The following HEATR4 variants were observed in gnomAD, a reference collection of about 807,000 sequenced individuals.
HEATR4 encodes the protein HEAT repeat containing 4, also known as HEAT repeat-containing protein 4.
In HEATR4, 95 loss-of-function variants were observed where a neutral mutation model predicts 108.8. That is an observed-to-expected ratio of 0.87 (90% confidence interval 0.74 to 1.04). The LOEUF (loss-of-function observed/expected upper bound fraction) is 1.04, where lower values mean the gene tolerates loss of function less well. Ranked by LOEUF, HEATR4 falls within the 50% of genes least tolerant of loss-of-function variation. The pLI is 0.00. For missense variants in HEATR4, 1,152 were observed against 1,253.8 expected (o/e 0.92, Z 1.23); for synonymous variants, 443 against 459.4 (o/e 0.96, Z 0.46).
At chr14:73,490,929 T>A (rs1167737292) in intron 17 of HEATR4, 3 of 1,262,992 alleles carry the variant, frequency 2.4e-6, no homozygotes, top group Non-Finnish European at 3.0e-6. Context: ...CGCGCCCCCT[T>A]CCCAGAGTGC....
At chr14:73,595,848 G>C in the HEATR4 span, 1 of 540,848 alleles carries the variant, frequency 1.8e-6, no homozygotes, top group Admixed American at 3.8e-5. Context: ...AAGATTAAGA[G>C]GCATATGACA....
the HEATR4 span, among the ~76,000 whole-genome samples, chr14:73,570,988 TTTA>T: frequency 2.1e-5 from 3 of 146,286 alleles, no homozygotes; most frequent in African/African-American, 7.3e-5. Context: ...TTTTTTTTTT[TTTA>T]AATAAGAATT....
chr14:73,610,167 G>T, the HEATR4 span, among the ~76,000 whole-genome samples: 1 of 151,954 alleles, frequency 6.6e-6, no homozygotes, highest in African/African-American at 2.4e-5. Flanking sequence ...GGACTTGGGG[G>T]TAGGCCACAG....
At chr14:73,526,638 T>G (rs1330050076) in intron 2 of HEATR4, among the ~76,000 whole-genome samples, 1 of 152,194 alleles carries the variant, frequency 6.6e-6, no homozygotes, top group Non-Finnish European at 1.5e-5. Flanking sequence ...ATCCTGAGGC[T>G]CCTGATTCCA....
upstream of HEATR4, among the ~76,000 whole-genome samples, chr14:73,563,032 C>T (rs543899440): frequency 8.6e-5 from 13 of 152,012 alleles, no homozygotes; most frequent in East Asian, 1.9e-4. Flanking sequence ...TTGAAGCATA[C>T]GATCTTTGTA....
chr14:73,566,687 C>T, the HEATR4 span, among the ~76,000 whole-genome samples: 36 of 152,164 alleles, frequency 2.4e-4, 1 homozygote, highest in Non-Finnish European at 3.8e-4. Flanking sequence ...AAGTGCGGAA[C>T]GCAGCCTCAG....
At chr14:73,515,169 A>G (rs952233737) in intron 5 of HEATR4, among the ~76,000 whole-genome samples, 1 of 152,078 alleles carries the variant, frequency 6.6e-6, no homozygotes, top group Admixed American at 6.6e-5. Flanking sequence ...AAAAAGCTCT[A>G]TGGAGAAGGG....
chr14:73,611,996 C>A, the HEATR4 span, among the ~76,000 whole-genome samples: 1 of 151,924 alleles, frequency 6.6e-6, no homozygotes, highest in African/African-American at 2.4e-5. Flanking sequence ...GTTTTTGTGC[C>A]TCTATTTCGA....
intron 1 of HEATR4, among the ~76,000 whole-genome samples, chr14:73,538,319 A>G (rs1888945827): frequency 8.7e-6 from 1 of 114,502 alleles, no homozygotes. Flanking sequence ...GCTCAGTTAA[A>G]AGACATTGTA....
At position 73,538,342 on chromosome 14, in the gene HEATR4, G is replaced by A. The variant is rs1179853301; in HGVS notation, c.-151-8098C>T. Among the ~76,000 whole-genome samples the A allele has an allele frequency of 1.8e-5, 2 of 114,274 alleles. 1 individual carries two copies. Among genetic ancestry groups the A allele is most frequent in the Non-Finnish European group, 3.8e-5 (2 of 52,568 alleles). The allele number at this position is 114,274 out of a possible 152,430, so 75.0% of individuals were successfully genotyped here. On this transcript the variant is annotated intron_variant, in intron 1 of 17. Coordinates refer to ENST00000553558, the MANE Select transcript of HEATR4 (RefSeq NM_001220484.1). The stretch of plus-strand genomic sequence containing the variant: ...AAAAGACATTGTAAGGGCTGGGCGC[G>A]CTGGCTCACGCCTGTAATCCCAGCA...
Position 73,514,005 on chromosome 14 carries a change from G to T in HEATR4, c.1414+26C>A, listed in dbSNP as rs1319688017. The T allele has an allele frequency of 3.1e-6, 5 of 1,607,428 alleles. No individual in the cohort carries two copies. The highest frequency in any genetic ancestry group is 3.4e-6 in the Non-Finnish European group (4 of 1,174,058). On this transcript the variant is annotated intron_variant, in intron 6 of 17. Coordinates refer to ENST00000553558, the MANE Select transcript of HEATR4 (RefSeq NM_001220484.1). ...GAGAACCACTTCTCACAAACGTACAGTATCACAGGACCTCCCTTCACTCAC... is the reference window on the plus strand; with the variant it reads ...GAGAACCACTTCTCACAAACGTACATTATCACAGGACCTCCCTTCACTCAC...
Position 73,514,024 on chromosome 14 carries a change from C to A in HEATR4, c.1414+7G>T, listed in dbSNP as rs553324807. ...CGTACAGTATCACAGGACCTCCCTT[C>A]ACTCACTCAGAGCCCAGGCAGTCTT... On this transcript the variant is annotated splice_region_variant and intron_variant, in intron 6 of 17. Coordinates refer to ENST00000553558, the MANE Select transcript of HEATR4 (RefSeq NM_001220484.1). The A allele has an allele frequency of 8.1e-6, 13 of 1,613,846 alleles. No homozygotes were observed. The South Asian group carries it at 1.4e-4, about 18-fold the overall frequency.
At chr14:73,510,798 A>G (rs1007070753) in intron 7 of HEATR4, among the ~76,000 whole-genome samples, 1 of 152,180 alleles carries the variant, frequency 6.6e-6, no homozygotes, top group Non-Finnish European at 1.5e-5. Context: ...GCACAGGAGC[A>G]TGTTGTTTAT....
intron 7 of HEATR4, among the ~76,000 whole-genome samples, chr14:73,511,520 AAAAT>A (rs548747393): frequency 0.1 from 14,485 of 141,522 alleles, 838 homozygotes; most frequent in Admixed American, 0.14. Flanking sequence ...CTCTGTCTCA[AAAAT>A]AAATAAATAA....
At chr14:73,589,063 A>G in the HEATR4 span, among the ~76,000 whole-genome samples, 1 of 152,124 alleles carries the variant, frequency 6.6e-6, no homozygotes, top group Non-Finnish European at 1.5e-5. Flanking sequence ...CATTTGTTAC[A>G]ATTGATTAAC....
the HEATR4 span, among the ~76,000 whole-genome samples, chr14:73,585,814 CTTTTTCTTT>C: frequency 0.069 from 9,513 of 137,222 alleles, 739 homozygotes; most frequent in African/African-American, 0.21. Context: ...ACTGTTTTGT[CTTTTTCTTT>C]TTTTTTTTTT....
At chr14:73,579,301 G>T in the HEATR4 span, among the ~76,000 whole-genome samples, 3 of 146,800 alleles carry the variant, frequency 2.0e-5, no homozygotes, top group African/African-American at 7.5e-5. Context: ...AAAACGCTGG[G>T]TGTGGTGGCT....
chr14:73,565,757 C>T, the HEATR4 span, among the ~76,000 whole-genome samples: 1 of 151,864 alleles, frequency 6.6e-6, no homozygotes, highest in African/African-American at 2.4e-5. Flanking sequence ...AAGCTACAGA[C>T]CTTGGTGGTG....
At chr14:73,612,825 A>G in the HEATR4 span, 1 of 1,420,070 alleles carries the variant, frequency 7.0e-7, no homozygotes, top group Non-Finnish European at 9.3e-7. Flanking sequence ...TGGGCGTTGG[A>G]GCCCGAGAAA....
Sources: allele counts gnomAD v4.1 joint callset (sites outside exome capture counted in the v4.1 genomes callset), GRCh38; gene constraint gnomAD v4.1.1; transcripts MANE v1.5; gene names NCBI Gene and HGNC (gene_info 2026-07-23, HGNC 2026-07-21).